DNAJB6: variants seen among roughly 807,000 people sequenced by gnomAD.
DNAJB6 encodes DnaJ heat shock protein family (Hsp40) member B6.
Under a neutral mutation model 42.7 loss-of-function variants are expected in DNAJB6, and 16 were observed. That is an observed-to-expected ratio of 0.37 (90% confidence interval 0.25 to 0.57). The LOEUF is 0.57. Ranked by LOEUF, DNAJB6 falls within the 20% of genes least tolerant of loss-of-function variation. DNAJB6 has a pLI of 0.74. For missense variants in DNAJB6, 347 were observed against 416.8 expected (o/e 0.83, Z 1.46); for synonymous variants, 170 against 163.5 (o/e 1.04, Z -0.30).
chr7:157,339,280 CCTTTT>C (rs1798215596), intron 1 of DNAJB6, among the ~76,000 whole-genome samples: 3 of 116,516 alleles, frequency 2.6e-5, no homozygotes, highest in African/African-American at 6.1e-5. Flanking sequence ...TCTGTTTGCA[CCTTTT>C]TTTTTTTTTT....
At chr7:157,369,508 C>G (rs768295539) in intron 5 of DNAJB6, 2 of 426,306 alleles carry the variant, frequency 4.7e-6, no homozygotes, top group Middle Eastern at 3.8e-4. Flanking sequence ...TGTCTGAGAC[C>G]GGGCGTCTTC....
At chr7:157,343,621 G>A (rs1046160529) in intron 1 of DNAJB6, among the ~76,000 whole-genome samples, 1 of 152,076 alleles carries the variant, frequency 6.6e-6, no homozygotes, top group Non-Finnish European at 1.5e-5. Flanking sequence ...ACTGGGTTTT[G>A]TATTTTTAGT....
intron 5 of DNAJB6, among the ~76,000 whole-genome samples, chr7:157,369,994 C>G (rs1206129193): frequency 6.8e-6 from 1 of 146,872 alleles, no homozygotes; most frequent in Non-Finnish European, 1.5e-5. Context: ...TTAAACAGGC[C>G]CCTTCTTAAC....
intron 8 of DNAJB6, among the ~76,000 whole-genome samples, chr7:157,408,421 C>CT (rs1795849870): frequency 6.6e-6 from 1 of 152,154 alleles, no homozygotes; most frequent in African/African-American, 2.4e-5. Flanking sequence ...CGTGCTGTGG[C>CT]TTTAGGATTT....
chr7:157,359,401 CAG>C (rs1213395862), intron 2 of DNAJB6, among the ~76,000 whole-genome samples: 1 of 152,170 alleles, frequency 6.6e-6, no homozygotes, highest in African/African-American at 2.4e-5. Context: ...AATAAAAATA[CAG>C]AGTCTCAATA....
chr7:157,384,288 T>C (rs1800938908), intron 6 of DNAJB6, among the ~76,000 whole-genome samples: 1 of 152,248 alleles, frequency 6.6e-6, no homozygotes, highest in African/African-American at 2.4e-5. Context: ...TGCAATTATT[T>C]TAGTTTTTTA....
At chr7:157,405,703 C>T (rs557958603) in intron 8 of DNAJB6, among the ~76,000 whole-genome samples, 8 of 152,286 alleles carry the variant, frequency 5.3e-5, no homozygotes, top group African/African-American at 1.9e-4. Context: ...CAATTAAACC[C>T]GAACCTCAGG....
chr7:157,415,240 T>C (rs1475948284), intron 9 of DNAJB6: 1 of 152,276 alleles, frequency 6.6e-6, no homozygotes, highest in African/African-American at 2.4e-5. Flanking sequence ...TTCAAGACAG[T>C]TTCTGCAGAA....
intron 1 of DNAJB6, among the ~76,000 whole-genome samples, chr7:157,340,998 G>GTGCGTGCGCGCGCGCGCT: frequency 7.4e-6 from 1 of 135,046 alleles, no homozygotes; most frequent in South Asian, 2.3e-4. Flanking sequence ...GTGTGTGTGT[G>GTGCGTGCGCGCGCGCGCT]CGCGCGCGCA....
chr7:157,401,926 T>C (rs1023026446), intron 8 of DNAJB6, among the ~76,000 whole-genome samples: 11 of 152,154 alleles, frequency 7.2e-5, no homozygotes, highest in African/African-American at 2.4e-4. Context: ...TTCCTGGATG[T>C]GGGCCCTCTC....
chr7:157,369,728 ACATTATTATTAAACAGGC>A (rs1563128132), intron 5 of DNAJB6, among the ~76,000 whole-genome samples: 1 of 142,550 alleles, frequency 7.0e-6, no homozygotes, highest in African/African-American at 2.7e-5. Flanking sequence ...CCCCTTCTTC[ACATTATTATTAAACAGGC>A]CCCTTCTTAA....
intron 1 of DNAJB6, among the ~76,000 whole-genome samples, chr7:157,344,294 T>A (rs1225469030): frequency 6.6e-6 from 1 of 151,306 alleles, no homozygotes; most frequent in African/African-American, 2.4e-5. Flanking sequence ...TGAGCCGAGA[T>A]CCCTCTACTG....
At chr7:157,340,809 C>T (rs1467413498) in intron 1 of DNAJB6, among the ~76,000 whole-genome samples, 2 of 152,022 alleles carry the variant, frequency 1.3e-5, no homozygotes, top group Non-Finnish European at 2.9e-5. Context: ...GCTGGGATGA[C>T]AGGCGCGTGT....
At chr7:157,356,951 T>C (rs1799308670) in intron 1 of DNAJB6, among the ~76,000 whole-genome samples, 1 of 152,078 alleles carries the variant, frequency 6.6e-6, no homozygotes, top group South Asian at 2.1e-4. Flanking sequence ...TCTAAATAGA[T>C]CCTGATTTCC....
At chr7:157,405,743 T>C (rs985331506) in intron 8 of DNAJB6, among the ~76,000 whole-genome samples, 3 of 152,100 alleles carry the variant, frequency 2.0e-5, no homozygotes, top group African/African-American at 7.2e-5. Flanking sequence ...GGAGGAAGAA[T>C]GGATAATGCT....
intron 8 of DNAJB6, among the ~76,000 whole-genome samples, chr7:157,394,529 GA>G (rs34759611): frequency 1.3e-5 from 2 of 150,130 alleles, no homozygotes; most frequent in South Asian, 2.1e-4. Context: ...CCCTGTCTCA[GA>G]AAAAAAAAAG....
intron 1 of DNAJB6, among the ~76,000 whole-genome samples, chr7:157,355,722 G>A (rs1799239005): frequency 1.3e-5 from 2 of 152,176 alleles, no homozygotes; most frequent in East Asian, 3.8e-4. Context: ...TCCACTCCAG[G>A]GGGTGGCTCT....
chr7:157,409,906 T>C lies in DNAJB6; in HGVS notation c.803T>C (p.Leu268Pro). 1 of 1,534,842 alleles carries C rather than the reference T, an allele frequency of 6.5e-7. No individual in the cohort carries two copies. Among genetic ancestry groups the C allele is most frequent in the Non-Finnish European group, 8.7e-7 (1 of 1,145,744 alleles). The change falls in exon 9 of 10, where the codon CTG (leucine) becomes CCG (proline). Residue 268 changes from leucine to proline, a missense_variant. This residue lies in a region of DNAJB6 where 264 missense variants were observed against 288.0 expected (regional missense o/e 0.92). Transcript: ENST00000262177. ...RPPKPPRPAS[L>P]LRHAPHCLSE... ...CCGAAGCCGCCCCGGCCTGCCTCGC[T>C]GCTGAGACACGCGCCTCACTGTCTC... is the stretch of plus-strand genomic sequence containing the variant.
At chr7:157,407,608 TG>T (rs1795819719) in intron 8 of DNAJB6, among the ~76,000 whole-genome samples, 1 of 152,150 alleles carries the variant, frequency 6.6e-6, no homozygotes, top group South Asian at 2.1e-4. Context: ...TGTGGTACCC[TG>T]GGAGCACCTG....
Sources: allele counts gnomAD v4.1 joint callset (sites outside exome capture counted in the v4.1 genomes callset), GRCh38; gene constraint gnomAD v4.1.1; regional missense constraint gnomAD v4.1.1; transcripts MANE v1.5; gene names NCBI Gene and HGNC (gene_info 2026-07-23, HGNC 2026-07-21).